PDE4B: variants seen among roughly 807,000 people sequenced by gnomAD.
PDE4B encodes the protein phosphodiesterase 4B.
In PDE4B, 20 loss-of-function variants were observed where a neutral mutation model predicts 82.2. The observed-to-expected ratio is 0.24, with a 90% CI of 0.17 to 0.35. The LOEUF is 0.35. Ranked by LOEUF, PDE4B falls within the 10% of genes least tolerant of loss-of-function variation. The pLI is 1.00. For synonymous variants in PDE4B, 320 were observed against 318.9 expected (o/e 1.00, Z -0.04); for missense variants, 655 against 907.2 (o/e 0.72, Z 3.57).
intron 3 of PDE4B, among the ~76,000 whole-genome samples, chr1:66,148,166 A>C (rs1182427364): frequency 6.6e-6 from 1 of 152,140 alleles, no homozygotes; most frequent in African/African-American, 2.4e-5. Context: ...GCTACTCGGG[A>C]GGCTGAGGCA....
rs149664101 is a variant in PDE4B at position 66,290,095 on chromosome 1, G to A, written c.634+24008G>A. 8.2e-3 allele frequency among the ~76,000 whole-genome samples: 1,249 copies of A among 152,260 alleles called. 12 individuals are homozygous for A. Among genetic ancestry groups the A allele is most frequent in the African/African-American group, 0.028 (1,184 of 41,572 alleles). Reference sequence around the variant, plus strand: ...AAAACTCAGGAGTTTGGTTTTAGATGTTAATTTTCAGTGATCTGATGTAGC... The same window carrying A: ...AAAACTCAGGAGTTTGGTTTTAGATATTAATTTTCAGTGATCTGATGTAGC... On this transcript the variant is annotated intron_variant, in intron 7 of 16. Coordinates refer to ENST00000341517, the MANE Select transcript of PDE4B (RefSeq NM_002600.4).
intron 8 of PDE4B, among the ~76,000 whole-genome samples, chr1:66,333,147 C>G (rs181527319): frequency 1.3e-5 from 2 of 152,086 alleles, no homozygotes; most frequent in Admixed American, 6.5e-5. Flanking sequence ...GCTGGCATGA[C>G]CTAAGATAAA....
At chr1:66,110,241 A>G (rs868678571) in intron 3 of PDE4B, among the ~76,000 whole-genome samples, 45 of 152,042 alleles carry the variant, frequency 3.0e-4, no homozygotes, top group Admixed American at 2.0e-3. Context: ...ACCAATGGTT[A>G]CAGTCAAAAT....
At chr1:65,914,055 T>C (rs1647128178) in intron 2 of PDE4B, among the ~76,000 whole-genome samples, 1 of 152,190 alleles carries the variant, frequency 6.6e-6, no homozygotes, top group Admixed American at 6.5e-5. Context: ...TAGTGTGTCT[T>C]TAATTGTCTC....
At chr1:66,079,876 G>T (rs1290849253) in intron 3 of PDE4B, among the ~76,000 whole-genome samples, 3 of 151,984 alleles carry the variant, frequency 2.0e-5, no homozygotes, top group African/African-American at 4.8e-5. Context: ...CTTCCTCAAA[G>T]AAATAAAAAT....
intron 3 of PDE4B, among the ~76,000 whole-genome samples, chr1:66,158,793 C>T (rs1307067517): frequency 2.0e-5 from 3 of 152,012 alleles, no homozygotes; most frequent in East Asian, 3.9e-4. Context: ...TTTGTGGCAA[C>T]GTGGTTGAAC....
intron 1 of PDE4B, among the ~76,000 whole-genome samples, chr1:65,856,738 T>A (rs1400365284): frequency 6.6e-6 from 1 of 152,196 alleles, no homozygotes; most frequent in Non-Finnish European, 1.5e-5. Flanking sequence ...TAGTTCTTGA[T>A]CCTTGAGGAA....
chr1:65,836,067 G>A (rs1250017956), intron 1 of PDE4B, among the ~76,000 whole-genome samples: 2 of 151,970 alleles, frequency 1.3e-5, no homozygotes, highest in Admixed American at 1.3e-4. Context: ...TCGGCCTCCA[G>A]AGTAGCTGGG....
intron 3 of PDE4B, among the ~76,000 whole-genome samples, chr1:66,026,770 CTT>C (rs1653459206): frequency 6.6e-6 from 1 of 152,208 alleles, no homozygotes; most frequent in African/African-American, 2.4e-5. Flanking sequence ...TTATTTCAGA[CTT>C]TGGTCACAAA....
chr1:66,101,208 C>A (rs987445518), intron 3 of PDE4B, among the ~76,000 whole-genome samples: 1 of 152,198 alleles, frequency 6.6e-6, no homozygotes, highest in Non-Finnish European at 1.5e-5. Flanking sequence ...ATATGTGCCA[C>A]ATTTTCTTAA....
intron 1 of PDE4B, among the ~76,000 whole-genome samples, chr1:65,864,742 A>G (rs1283095765): frequency 6.6e-6 from 1 of 152,186 alleles, no homozygotes; most frequent in Non-Finnish European, 1.5e-5. Flanking sequence ...TGGAAGCTTC[A>G]TCCCAGAGGG....
rs183628458 is a variant in PDE4B at position 66,152,504 on chromosome 1, T to C, written c.282-94956T>C. On this transcript the variant is annotated intron_variant, in intron 3 of 16. Coordinates refer to ENST00000341517, the MANE Select transcript of PDE4B (RefSeq NM_002600.4). Reference sequence around the variant, plus strand: ...CAGCATTGGAAGCCAGTATCAGTCATGGTTCTCCAGAGAAACAGAACTGAT... The same window carrying C: ...CAGCATTGGAAGCCAGTATCAGTCACGGTTCTCCAGAGAAACAGAACTGAT... 3.0e-4 allele frequency: 99 copies of C among 326,776 alleles called. 1 individual carries two copies. The highest frequency in any genetic ancestry group is 1.9e-3 in the African/African-American group (94 of 48,622). 20.2% of individuals were successfully genotyped at this position (326,776 alleles called of 1,614,324 possible). A position where few individuals can be genotyped will look rare whatever the true frequency, so the allele number is the denominator to read the frequency against.
chr1:66,230,663 G>A (rs923518005), intron 3 of PDE4B, among the ~76,000 whole-genome samples: 8 of 152,114 alleles, frequency 5.3e-5, no homozygotes, highest in Admixed American at 4.6e-4. Flanking sequence ...AAATTCTTAC[G>A]TCTAAATTCA....
intron 3 of PDE4B, among the ~76,000 whole-genome samples, chr1:66,162,003 C>T (rs1646622628): frequency 1.3e-5 from 2 of 152,038 alleles, no homozygotes; most frequent in African/African-American, 4.8e-5. Flanking sequence ...AAATAAGCAA[C>T]TATATGAAGC....
intron 3 of PDE4B, among the ~76,000 whole-genome samples, chr1:66,169,950 G>A (rs1488822251): frequency 6.6e-6 from 1 of 152,150 alleles, no homozygotes; most frequent in East Asian, 1.9e-4. Flanking sequence ...ATGCTTACAT[G>A]TTGATTGTTA....
intron 1 of PDE4B, among the ~76,000 whole-genome samples, chr1:65,902,186 G>A (rs776654505): frequency 6.6e-6 from 1 of 151,984 alleles, no homozygotes; most frequent in African/African-American, 2.4e-5. Context: ...AACTTATTGA[G>A]ACTTAATTTA....
chr1:66,353,074 C>T (rs897804976), intron 8 of PDE4B, among the ~76,000 whole-genome samples: 2 of 152,162 alleles, frequency 1.3e-5, no homozygotes, highest in African/African-American at 4.8e-5. Context: ...AGCCTAGGTG[C>T]CTGTCTTTTG....
chr1:66,087,761 C>T (rs1042269802), intron 3 of PDE4B, among the ~76,000 whole-genome samples: 12 of 151,028 alleles, frequency 7.9e-5, no homozygotes, highest in East Asian at 5.9e-4. Flanking sequence ...AGTAAACTAT[C>T]GCAGGAACAA....
At chr1:66,204,554 CCCCT>C (rs1649374541) in intron 3 of PDE4B, among the ~76,000 whole-genome samples, 1 of 152,232 alleles carries the variant, frequency 6.6e-6, no homozygotes, top group South Asian at 2.1e-4. Flanking sequence ...ATGGCAGGTG[CCCCT>C]CCCCCAGCCT....
Sources: allele counts gnomAD v4.1 joint callset (sites outside exome capture counted in the v4.1 genomes callset), GRCh38; gene constraint gnomAD v4.1.1; transcripts MANE v1.5; gene names NCBI Gene and HGNC (gene_info 2026-07-23, HGNC 2026-07-21).